The following FRAS1 variants were observed in gnomAD, a reference collection of about 807,000 sequenced individuals.
FRAS1 encodes the protein extracellular matrix organizing protein FRAS1.
A neutral mutation model predicts 435.2 loss-of-function variants in FRAS1; 290 were observed. The observed-to-expected ratio is 0.67, with a 90% confidence interval of 0.61 to 0.73. The LOEUF (loss-of-function observed/expected upper bound fraction) is 0.73. FRAS1 is among the 30% of genes least tolerant of loss of function. The probability of loss-of-function intolerance (pLI) is 0.00; values close to 1 mark genes in which losing one functional copy is unlikely to be tolerated. For missense variants in FRAS1, 4,860 were observed against 5,001.5 expected, an observed-to-expected ratio of 0.97 and a Z score of 0.85; for synonymous variants, 1,800 against 1,851.0, an observed-to-expected ratio of 0.97 and a Z score of 0.71.
intron 2 of FRAS1, among the ~76,000 whole-genome samples, chr4:78,114,295 T>C (rs1043042001): frequency 6.6e-6 from 1 of 152,218 alleles, no homozygotes; most frequent in African/African-American, 2.4e-5. Context: ...TGGCTTAGGA[T>C]TGACTTGGCA....
chr4:78,226,467 A>G (rs1724277171), intron 2 of FRAS1, among the ~76,000 whole-genome samples: 1 of 151,294 alleles, frequency 6.6e-6, no homozygotes, highest in African/African-American at 2.4e-5. Flanking sequence ...TGGGTATAGA[A>G]TTCTTAGTGA....
rs188425031 is a variant in FRAS1 at position 78,493,507 on chromosome 4, G to A, written c.8959-3298G>A. Reference sequence around the variant, plus strand: ...AAAGATGAGTTCATTCCTTTGCAGGGACACGGATGAAGCTGGAAACCATCA... The same window carrying A: ...AAAGATGAGTTCATTCCTTTGCAGGAACACGGATGAAGCTGGAAACCATCA... On this transcript the variant is annotated intron_variant, in intron 59 of 73. Coordinates refer to ENST00000512123, the MANE Select transcript of FRAS1 (RefSeq NM_025074.7). Among the ~76,000 whole-genome samples, 12 of 152,244 alleles carry A rather than the reference G, an allele frequency of 7.9e-5. No homozygotes were observed. In the East Asian group the frequency reaches 2.3e-3, roughly 29 times the overall value.
At chr4:78,257,864 A>G (rs891094828) in intron 6 of FRAS1, among the ~76,000 whole-genome samples, 9 of 152,212 alleles carry the variant, frequency 5.9e-5, no homozygotes, top group African/African-American at 1.9e-4. Context: ...CCTGCTTTCA[A>G]CTTTTGTCCA....
At chr4:78,410,223 G>C (rs995918811) in intron 31 of FRAS1, among the ~76,000 whole-genome samples, 1 of 152,216 alleles carries the variant, frequency 6.6e-6, no homozygotes, top group African/African-American at 2.4e-5. Flanking sequence ...AATCTAAGTA[G>C]CTGCTCAAAA....
intron 2 of FRAS1, among the ~76,000 whole-genome samples, chr4:78,114,274 C>A (rs1039982657): frequency 6.6e-6 from 1 of 152,134 alleles, no homozygotes; most frequent in Non-Finnish European, 1.5e-5. Flanking sequence ...ATGCCTCCAG[C>A]TTTGTTCTTT....
At chr4:78,089,550 G>GC (rs1741393998) in intron 2 of FRAS1, among the ~76,000 whole-genome samples, 1 of 152,008 alleles carries the variant, frequency 6.6e-6, no homozygotes, top group African/African-American at 2.4e-5. Context: ...GTTTTGAATT[G>GC]TTTTCTCTTT....
chr4:78,431,637 C>T (rs1377956178), intron 37 of FRAS1, among the ~76,000 whole-genome samples: 1 of 152,106 alleles, frequency 6.6e-6, no homozygotes, highest in Admixed American at 6.5e-5. Context: ...CATTAGGGCT[C>T]ATGGCACTAA....
At chr4:78,142,767 A>G (rs1033816300) in intron 2 of FRAS1, among the ~76,000 whole-genome samples, 2 of 152,228 alleles carry the variant, frequency 1.3e-5, no homozygotes, top group Non-Finnish European at 2.9e-5. Context: ...TCTATGTTCC[A>G]TGCATTGTCT....
intron 2 of FRAS1, among the ~76,000 whole-genome samples, chr4:78,202,107 G>A (rs1723072299): frequency 6.6e-6 from 1 of 152,128 alleles, no homozygotes; most frequent in African/African-American, 2.4e-5. Flanking sequence ...ACATTACTGT[G>A]CACAGGACAG....
chr4:78,187,594 T>G (rs1722326338), intron 2 of FRAS1, among the ~76,000 whole-genome samples: 1 of 152,054 alleles, frequency 6.6e-6, no homozygotes, highest in African/African-American at 2.4e-5. Flanking sequence ...ATGCTGTTGC[T>G]ATCCTTTTTT....
intron 35 of FRAS1, among the ~76,000 whole-genome samples, chr4:78,427,530 A>G (rs1045918243): frequency 2.0e-5 from 3 of 152,242 alleles, no homozygotes; most frequent in African/African-American, 7.2e-5. Context: ...ACATCAGAGC[A>G]TCCTGAATCC....
intron 14 of FRAS1, among the ~76,000 whole-genome samples, chr4:78,292,347 T>C (rs1052790018): frequency 6.6e-5 from 10 of 152,184 alleles, no homozygotes; most frequent in African/African-American, 2.4e-4. Flanking sequence ...GAATCTATGA[T>C]TATTTGTTTC....
At chr4:78,139,949 T>C (rs17002970) in intron 2 of FRAS1, among the ~76,000 whole-genome samples, 5,588 of 152,270 alleles carry the variant, frequency 0.037, 331 homozygotes, top group African/African-American at 0.13. Flanking sequence ...TTGGTAACTT[T>C]TTTTTTGATT....
chr4:78,421,951 T>G lies in FRAS1; in HGVS notation c.4629T>G (p.Pro1543=). The change falls in exon 34 of 74, where the codon CCT becomes CCG. Residue 1543 remains proline (P), a synonymous_variant. Coordinates refer to ENST00000512123, the MANE Select transcript of FRAS1 (RefSeq NM_025074.7). ...DINQGKVMYR[P]PPAAPHLQEL... is the part of the protein sequence containing the mutation. ...ACCAGGGCAAAGTCATGTACCGCCC[T>G]CCCCCGGCAGCACCCCACCTCCAGG... 6.2e-7 allele frequency: 1 copy of G among 1,613,230 alleles called. No individual in the cohort carries two copies. The highest frequency in any genetic ancestry group is 1.1e-5 in the South Asian group (1 of 90,976).
chr4:78,434,049 G>T (rs1004461769), intron 38 of FRAS1, among the ~76,000 whole-genome samples: 5 of 152,186 alleles, frequency 3.3e-5, no homozygotes, highest in African/African-American at 1.2e-4. Flanking sequence ...GTTGTAGAAG[G>T]ATTTTGTACT....
chr4:78,536,042 A>G (rs543337273), intron 71 of FRAS1, among the ~76,000 whole-genome samples: 4 of 152,294 alleles, frequency 2.6e-5, no homozygotes, highest in African/African-American at 7.2e-5. Flanking sequence ...TTACTTAAAA[A>G]TGGGAATAAT....
At chr4:78,405,896 C>T (rs1315426110) in intron 30 of FRAS1, among the ~76,000 whole-genome samples, 1 of 152,170 alleles carries the variant, frequency 6.6e-6, no homozygotes, top group Non-Finnish European at 1.5e-5. Flanking sequence ...GGCATAGTCT[C>T]CTGTGAAATT....
chr4:78,140,041 A>T (rs1720092792), intron 2 of FRAS1, among the ~76,000 whole-genome samples: 1 of 152,166 alleles, frequency 6.6e-6, no homozygotes, highest in Non-Finnish European at 1.5e-5. Context: ...GGGAAATTTC[A>T]AACAAATATA....
intron 24 of FRAS1, among the ~76,000 whole-genome samples, chr4:78,373,878 C>T (rs1731611643): frequency 6.6e-6 from 1 of 152,146 alleles, no homozygotes; most frequent in Non-Finnish European, 1.5e-5. Flanking sequence ...TATCAACCCC[C>T]ATTTTATAGA....
Sources: allele counts gnomAD v4.1 joint callset (sites outside exome capture counted in the v4.1 genomes callset), GRCh38; gene constraint gnomAD v4.1.1; transcripts MANE v1.5; gene names NCBI Gene and HGNC (gene_info 2026-07-23, HGNC 2026-07-21).